The following DNAH5 variants were observed in gnomAD, a reference collection of about 807,000 sequenced individuals.
DNAH5 encodes the protein axonemal beta dynein heavy chain 5.
In DNAH5, 372 loss-of-function variants were observed where a neutral mutation model predicts 518.2. That is an observed-to-expected ratio of 0.72 (90% CI 0.66 to 0.78). DNAH5 has a LOEUF of 0.78. DNAH5 is among the 30% of genes least tolerant of loss of function. The probability of loss-of-function intolerance (pLI) is 0.00; values close to 1 mark genes in which losing one functional copy is unlikely to be tolerated. For synonymous variants in DNAH5, 2,039 were observed against 2,025.9 expected, an observed-to-expected ratio of 1.01 and a Z score of -0.17; for missense variants, 5,523 against 5,687.0, an observed-to-expected ratio of 0.97 and a Z score of 0.93.
intron 30 of DNAH5, among the ~76,000 whole-genome samples, chr5:13,858,725 T>A (rs1767972052): frequency 6.6e-6 from 1 of 152,180 alleles, no homozygotes; most frequent in Admixed American, 6.5e-5. Context: ...TTATCTGTCA[T>A]CTGTAATTAA....
At chr5:13,993,078 GAC>G (rs1179645184) in intron 1 of DNAH5, among the ~76,000 whole-genome samples, 7 of 152,236 alleles carry the variant, frequency 4.6e-5, no homozygotes, top group Non-Finnish European at 1.0e-4. Context: ...GAAAGTCATA[GAC>G]ACAGAGCATG....
intron 21 of DNAH5, among the ~76,000 whole-genome samples, chr5:13,878,338 C>T (rs763457936): frequency 6.6e-6 from 1 of 152,192 alleles, no homozygotes; most frequent in South Asian, 2.1e-4. Context: ...GGAAACACTA[C>T]CAGGGGCTAC....
chr5:13,719,307 C>G (rs1744732792), intron 71 of DNAH5, among the ~76,000 whole-genome samples: 1 of 152,100 alleles, frequency 6.6e-6, no homozygotes, highest in Non-Finnish European at 1.5e-5. Context: ...CCAGTATACA[C>G]TAGTATGCAA....
In DNAH5 at chr5:13,891,072, G is replaced by A. The variant is rs777353326; in HGVS notation, c.2481C>T (p.Arg827=). 1.2e-4 allele frequency: 197 copies of A among 1,614,100 alleles called. 4 individuals are homozygous for A. The South Asian group carries it at 2.0e-3, about 16-fold the overall frequency. ...LDRVNDLIEF[R]IDAILEEMSS... is the part of the protein sequence containing the mutation. ...TCATTTCTTCTAGAATGGCATCAAT[G>A]CGGAACTCAATCAAATCATTGACCC... is the stretch of plus-strand genomic sequence containing the variant. Residue 827 remains arginine (R), a synonymous_variant, in exon 17 of 79, where the codon CGC becomes CGT. Coordinates refer to ENST00000265104, the MANE Select transcript of DNAH5 (RefSeq NM_001369.3).
In DNAH5 at chr5:13,901,378, C is replaced by T; in HGVS notation, c.1926G>A (p.Gln642=). ...QLFHRIQQPM[Q]LFQQHPAVLS... The stretch of plus-strand genomic sequence containing the variant: ...GCACAGCTGGGTGCTGCTGGAAAAG[C>T]TGCATGGGCTGCTGAATCCTATGGA... The change falls in exon 14 of 79, where the codon CAG becomes CAA. Residue 642 remains glutamine, a synonymous_variant. Transcript: ENST00000265104. The T allele has an allele frequency of 6.2e-7, 1 of 1,614,166 alleles. No individual in the cohort carries two copies. The highest frequency in any genetic ancestry group is 1.1e-5 in the South Asian group (1 of 91,078).
chr5:13,931,109 C>T lies in DNAH5; in HGVS notation c.192+1G>A, dbSNP rs1778368800. The T allele has an allele frequency of 6.2e-7, 1 of 1,614,100 alleles. No homozygotes were observed. Among genetic ancestry groups the T allele is most frequent in the Non-Finnish European group, 8.5e-7 (1 of 1,179,966 alleles). ...TCAGTGAGAAGTGAAACGCATCCCA[C>T]CTGATTCCCTTCAAGAATGGCATCC... On this transcript the variant is annotated splice_donor_variant, in intron 2 of 78. Transcript: ENST00000265104. LOFTEE classifies it high-confidence loss of function.
chr5:13,958,108 T>A (rs1234149507), intron 1 of DNAH5, among the ~76,000 whole-genome samples: 1 of 151,108 alleles, frequency 6.6e-6, no homozygotes, highest in African/African-American at 2.4e-5. Flanking sequence ...TTTAGCCAAT[T>A]TTTTTTTTAC....
At position 13,793,989 on chromosome 5, in the gene DNAH5, T is replaced by G; in HGVS notation, c.7957A>C (p.Thr2653Pro). ...ATATTCACATCATCAATAAAAACAG[T>G]CATCTTCTTTCCCGCAGGAGGGCCA... is the stretch of plus-strand genomic sequence containing the variant. ...TYGPPAGKKM[T>P]VFIDDVNMPI... Residue 2653 changes from threonine (T) to proline (P), a missense_variant, in exon 48 of 79, where the codon ACT (threonine) becomes CCT (proline). Coordinates refer to ENST00000265104, the MANE Select transcript of DNAH5 (RefSeq NM_001369.3). 1 of 1,614,008 alleles carries G rather than the reference T, an allele frequency of 6.2e-7. No individual in the cohort carries two copies. The highest frequency in any genetic ancestry group is 8.5e-7 in the Non-Finnish European group (1 of 1,179,952).
chr5:13,778,612 AAAAG>A (rs1000842344), intron 53 of DNAH5, among the ~76,000 whole-genome samples: 1 of 120,862 alleles, frequency 8.3e-6, no homozygotes, highest in Non-Finnish European at 1.9e-5. Flanking sequence ...GAGAGAAAGA[AAAAG>A]AAAGAAAGAA....
At chr5:13,833,190 C>T (rs527471522) in intron 35 of DNAH5, among the ~76,000 whole-genome samples, 61 of 151,430 alleles carry the variant, frequency 4.0e-4, no homozygotes, top group Admixed American at 6.6e-4. Context: ...CCTGTAATCT[C>T]AGCACTTTGG....
intron 12 of DNAH5, among the ~76,000 whole-genome samples, chr5:13,907,893 TTGA>T (rs1325266859): frequency 6.6e-6 from 1 of 152,234 alleles, no homozygotes; most frequent in African/African-American, 2.4e-5. Context: ...GAGACATTAA[TTGA>T]TGTAGTATTA....
At chr5:13,879,686 G>T (rs1029124451) in intron 21 of DNAH5, among the ~76,000 whole-genome samples, 4 of 151,234 alleles carry the variant, frequency 2.6e-5, no homozygotes, top group Admixed American at 1.3e-4. Flanking sequence ...AGTTTCCACA[G>T]AAGACTAGAT....
At chr5:13,706,589 C>T (rs1395943600) in intron 76 of DNAH5, among the ~76,000 whole-genome samples, 1 of 152,214 alleles carries the variant, frequency 6.6e-6, no homozygotes, top group Non-Finnish European at 1.5e-5. Context: ...ATGCACATCA[C>T]ACACAGACAC....
intron 1 of DNAH5, among the ~76,000 whole-genome samples, chr5:13,987,714 C>T (rs762585876): frequency 2.6e-5 from 4 of 151,898 alleles, no homozygotes; most frequent in Non-Finnish European, 5.9e-5. Flanking sequence ...ATTAGCCAGG[C>T]ATGGTGGCGC....
chr5:13,859,923 GAAT>G (rs775345156), intron 29 of DNAH5, among the ~76,000 whole-genome samples: 1 of 152,150 alleles, frequency 6.6e-6, no homozygotes, highest in Non-Finnish European at 1.5e-5. Flanking sequence ...ATGGCTACGA[GAAT>G]AATATTTGCC....
At chr5:13,831,843 T>C (rs1048740199) in intron 35 of DNAH5, among the ~76,000 whole-genome samples, 1 of 152,148 alleles carries the variant, frequency 6.6e-6, no homozygotes, top group South Asian at 2.1e-4. Flanking sequence ...ACATGCATCA[T>C]CTCGTTTCAT....
At chr5:13,797,996 T>C (rs369395494) in intron 47 of DNAH5, among the ~76,000 whole-genome samples, 4 of 150,112 alleles carry the variant, frequency 2.7e-5, no homozygotes, top group South Asian at 4.2e-4. Flanking sequence ...TAGGTGGGAA[T>C]TGAACAATGA....
chr5:13,915,503 C>T (rs1379017205), intron 9 of DNAH5, among the ~76,000 whole-genome samples: 2 of 152,034 alleles, frequency 1.3e-5, no homozygotes, highest in Admixed American at 6.6e-5. Flanking sequence ...GGAATACTCT[C>T]GCAACCCTAA....
rs1175519138 is a variant in DNAH5, at chr5:13,972,112, C to A, written c.12+39536G>T. Reference sequence around the variant, plus strand: ...GGCCAAGGAAGTGGGGAAAAGCCAGCAGTGACAGGCCTCACCCAGCTCCCA... The same window carrying A: ...GGCCAAGGAAGTGGGGAAAAGCCAGAAGTGACAGGCCTCACCCAGCTCCCA... On this transcript the variant is annotated intron_variant, in intron 1 of 78. Coordinates refer to the DNAH5 transcript ENST00000681290. 3.9e-5 allele frequency among the ~76,000 whole-genome samples: 6 copies of A among 152,140 alleles called. No individual in the cohort carries two copies. The East Asian group carries it at 1.2e-3, about 29-fold the overall frequency.
Sources: gnomAD v4.1 joint callset for allele counts (sites outside exome capture counted in the v4.1 genomes callset) on GRCh38, gnomAD v4.1.1 for gene constraint, MANE v1.5 for transcripts, NCBI Gene and HGNC (gene_info 2026-07-23, HGNC 2026-07-21) for gene names.